The following LUZP2 variants were observed in gnomAD, a reference collection of about 807,000 sequenced individuals.
LUZP2 encodes the protein leucine zipper protein 2.
In LUZP2, 52 loss-of-function variants were observed where a neutral mutation model predicts 51.6. The ratio of observed to expected loss-of-function variants is 1.01; its 90% CI spans 0.81 to 1.27. The LOEUF is 1.27. Among genes scored for constraint, LUZP2 ranks in the 50% most tolerant of loss-of-function variants. The pLI, the probability that LUZP2 is intolerant of heterozygous loss-of-function variation, is 0.00. For synonymous variants in LUZP2, 154 were observed against 137.3 expected, an observed-to-expected ratio of 1.12 and a Z score of -0.85; for missense variants, 436 against 395.4, an observed-to-expected ratio of 1.10 and a Z score of -0.87.
chr11:24,901,152 G>A (rs1451649030), intron 5 of LUZP2, among the ~76,000 whole-genome samples: 5 of 152,036 alleles, frequency 3.3e-5, no homozygotes, highest in Admixed American at 6.6e-5. Flanking sequence ...GGCAGTAGTG[G>A]CTGTCTACTG....
At chr11:24,752,576 G>T (rs543761285) in intron 4 of LUZP2, among the ~76,000 whole-genome samples, 1 of 152,288 alleles carries the variant, frequency 6.6e-6, no homozygotes, top group East Asian at 1.9e-4. Flanking sequence ...TATGATTGGA[G>T]TGAGGCAGTG....
chr11:25,068,101 T>C (rs1441475307), intron 10 of LUZP2, among the ~76,000 whole-genome samples: 2 of 151,644 alleles, frequency 1.3e-5, no homozygotes, highest in Non-Finnish European at 2.9e-5. Context: ...CACTCATAAG[T>C]GGAAGTTGAA....
At chr11:24,731,167 A>C (rs1012946116) in intron 2 of LUZP2, among the ~76,000 whole-genome samples, 1 of 151,734 alleles carries the variant, frequency 6.6e-6, no homozygotes, top group Non-Finnish European at 1.5e-5. Context: ...ATCATACTAC[A>C]TTAAAATTGT....
chr11:25,050,737 C>T (rs1858483822), intron 10 of LUZP2, among the ~76,000 whole-genome samples: 1 of 152,032 alleles, frequency 6.6e-6, no homozygotes, highest in African/African-American at 2.4e-5. Context: ...CTCATTCCCA[C>T]AGCTACATGA....
At chr11:24,907,314 A>C (rs966428014) in intron 6 of LUZP2, among the ~76,000 whole-genome samples, 5 of 151,630 alleles carry the variant, frequency 3.3e-5, no homozygotes, top group Admixed American at 6.6e-5. Context: ...AAAAAAAAAA[A>C]ACATTAACAC....
intron 9 of LUZP2, among the ~76,000 whole-genome samples, chr11:25,014,999 A>G (rs1857107667): frequency 1.3e-5 from 2 of 152,148 alleles, no homozygotes; most frequent in Non-Finnish European, 2.9e-5. Context: ...ACCCTTTATT[A>G]AATAGGGAAT....
intron 7 of LUZP2, among the ~76,000 whole-genome samples, chr11:24,975,193 C>A (rs1855852185): frequency 6.6e-6 from 1 of 151,876 alleles, no homozygotes; most frequent in African/African-American, 2.4e-5. Context: ...AGAAGGATTT[C>A]TTTTTCTTCA....
intron 9 of LUZP2, among the ~76,000 whole-genome samples, chr11:25,007,420 T>G (rs373706983): frequency 1.2e-4 from 18 of 152,102 alleles, no homozygotes; most frequent in African/African-American, 4.3e-4. Flanking sequence ...CTGGCTAACA[T>G]GGTGAAACCC....
rs186709547 is a variant in LUZP2, at chr11:24,653,125, C to G, written c.63-76044C>G. Among the ~76,000 whole-genome samples the G allele has an allele frequency of 4.0e-3, 609 of 152,164 alleles. 4 individuals carry two copies. The highest frequency in any genetic ancestry group is 0.014 in the African/African-American group (571 of 41,522). On this transcript the variant is annotated intron_variant, in intron 1 of 11. Coordinates refer to ENST00000336930, the MANE Select transcript of LUZP2 (RefSeq NM_001009909.4). ...GTAAGCACTTATCTGAGAATAGACTCTCAGTGGGACAAGTGAAGGAGCACA... is the reference window on the plus strand; with the variant it reads ...GTAAGCACTTATCTGAGAATAGACTGTCAGTGGGACAAGTGAAGGAGCACA...
chr11:24,549,180 T>G (rs1007597458), intron 1 of LUZP2, among the ~76,000 whole-genome samples: 1 of 152,080 alleles, frequency 6.6e-6, no homozygotes, highest in African/African-American at 2.4e-5. Flanking sequence ...TATAACCTTT[T>G]CCTGTTTTTA....
chr11:24,883,724 A>G (rs1482025288), intron 5 of LUZP2, among the ~76,000 whole-genome samples: 1 of 152,042 alleles, frequency 6.6e-6, no homozygotes, highest in Non-Finnish European at 1.5e-5. Flanking sequence ...ACTAGCAAAC[A>G]TTGAATGAAA....
Position 24,605,186 on chromosome 11 carries a change from G to A in LUZP2, c.62+107881G>A, listed in dbSNP as rs533508585. Among the ~76,000 whole-genome samples the A allele has an allele frequency of 2.6e-3, 392 of 151,862 alleles. 2 individuals are homozygous for A. The highest frequency in any genetic ancestry group is 4.5e-3 in the Non-Finnish European group (302 of 67,762). ...TTGAAATTATATTTCACAGAGAGTG[G>A]CATCAGTGTTTTAGGACCATGCTGA... On this transcript the variant is annotated intron_variant, in intron 1 of 11. Coordinates refer to ENST00000336930, the MANE Select transcript of LUZP2 (RefSeq NM_001009909.4).
intron 5 of LUZP2, among the ~76,000 whole-genome samples, chr11:24,835,063 A>T (rs1032131187): frequency 1.3e-5 from 2 of 151,990 alleles, no homozygotes; most frequent in East Asian, 3.9e-4. Flanking sequence ...ACTCTATACC[A>T]CAAGGCTACA....
chr11:24,871,158 G>T (rs188520064), intron 5 of LUZP2, among the ~76,000 whole-genome samples: 1 of 151,694 alleles, frequency 6.6e-6, no homozygotes, highest in African/African-American at 2.4e-5. Context: ...AATTTTTTTA[G>T]TAATGTTTAC....
intron 1 of LUZP2, among the ~76,000 whole-genome samples, chr11:24,624,781 G>A (rs1854621755): frequency 6.6e-6 from 1 of 152,132 alleles, no homozygotes; most frequent in African/African-American, 2.4e-5. Flanking sequence ...ATAATATAAA[G>A]TGCTTTATGA....
chr11:24,994,731 A>G (rs1383422917), intron 9 of LUZP2, among the ~76,000 whole-genome samples: 1 of 152,216 alleles, frequency 6.6e-6, no homozygotes, highest in Non-Finnish European at 1.5e-5. Flanking sequence ...TATCGTCTTA[A>G]CAATATTAAA....
At chr11:24,526,380 G>C (rs1850805689) in intron 1 of LUZP2, among the ~76,000 whole-genome samples, 1 of 150,360 alleles carries the variant, frequency 6.7e-6, no homozygotes, top group South Asian at 2.1e-4. Flanking sequence ...CAAATGTTAT[G>C]ATTTTGGCAC....
chr11:24,916,134 T>C lies in LUZP2; in HGVS notation c.522+1596T>C, dbSNP rs117112268. Among the ~76,000 whole-genome samples, 15 of 152,110 alleles carry C rather than the reference T, an allele frequency of 9.9e-5. No individual in the cohort carries two copies. The East Asian group carries it at 2.9e-3, about 30-fold the overall frequency. On this transcript the variant is annotated intron_variant, in intron 7 of 11. Coordinates refer to ENST00000336930, the MANE Select transcript of LUZP2 (RefSeq NM_001009909.4). ...ATGATGAATTAAGTGCCCTTATTAA[T>C]GCTTGAGAGCTGCCTTTAGCTTGGA...
intron 4 of LUZP2, among the ~76,000 whole-genome samples, chr11:24,743,153 C>T (rs967747357): frequency 6.6e-6 from 1 of 152,012 alleles, no homozygotes; most frequent in African/African-American, 2.4e-5. Context: ...TTTGCTCAGT[C>T]TTGCTTTGGC....
Sources: allele counts gnomAD v4.1 joint callset (sites outside exome capture counted in the v4.1 genomes callset), GRCh38; gene constraint gnomAD v4.1.1; transcripts MANE v1.5; gene names NCBI Gene and HGNC (gene_info 2026-07-23, HGNC 2026-07-21).